The following ARHGAP18 variants were observed in gnomAD, a reference collection of about 807,000 sequenced individuals.
ARHGAP18 encodes the protein Rho GTPase activating protein 18.
A neutral mutation model predicts 86.2 loss-of-function variants in ARHGAP18; 67 were observed. The ratio of observed to expected loss-of-function variants is 0.78; its 90% CI spans 0.64 to 0.95. The LOEUF (loss-of-function observed/expected upper bound fraction) is 0.95. Among genes scored for constraint, ARHGAP18 ranks in the 40% least tolerant of loss-of-function variants. ARHGAP18 has a pLI of 0.00. For missense variants in ARHGAP18, 691 were observed against 780.4 expected (o/e 0.89, Z 1.37); for synonymous variants, 283 against 280.4 (o/e 1.01, Z -0.09).
At chr6:129,685,207 T>A (rs1774404154) in intron 1 of ARHGAP18, among the ~76,000 whole-genome samples, 1 of 152,066 alleles carries the variant, frequency 6.6e-6, no homozygotes, top group Non-Finnish European at 1.5e-5. Flanking sequence ...CCTACTCTCA[T>A]AGAATCATGA....
chr6:129,653,338 A>G (rs1773755974), intron 1 of ARHGAP18, among the ~76,000 whole-genome samples: 1 of 152,264 alleles, frequency 6.6e-6, no homozygotes, highest in Non-Finnish European at 1.5e-5. Flanking sequence ...TCCGTGGTAA[A>G]TACCTAGATA....
At chr6:129,629,200 G>T (rs1287858922) in intron 5 of ARHGAP18, among the ~76,000 whole-genome samples, 153 bp downstream of exon 5, 1 of 151,730 alleles carries the variant, frequency 6.6e-6, no homozygotes, top group Admixed American at 6.6e-5. Flanking sequence ...CCTGGGCAAC[G>T]TAGTGAGGCC....
chr6:129,624,913 C>A (rs1031004842), intron 5 of ARHGAP18, among the ~76,000 whole-genome samples: 2 of 143,822 alleles, frequency 1.4e-5, no homozygotes, highest in Non-Finnish European at 3.0e-5. Flanking sequence ...CCATTGCACT[C>A]CAGCCTGGGT....
At chr6:129,594,679 A>T (rs1211732055) in intron 12 of ARHGAP18, among the ~76,000 whole-genome samples, 5 of 152,096 alleles carry the variant, frequency 3.3e-5, no homozygotes, top group Non-Finnish European at 7.4e-5. Flanking sequence ...TTGATGCTAA[A>T]GTCACCCAAG....
At chr6:129,592,052 AC>A (rs1788526785) in intron 12 of ARHGAP18, among the ~76,000 whole-genome samples, 2 of 152,218 alleles carry the variant, frequency 1.3e-5, no homozygotes, top group Admixed American at 6.5e-5. Context: ...GCTTAAAATA[AC>A]TTCCATAGTT....
At chr6:129,600,470 T>C (rs1788714822) in intron 11 of ARHGAP18, among the ~76,000 whole-genome samples, 172 bp downstream of exon 11, 1 of 152,160 alleles carries the variant, frequency 6.6e-6, no homozygotes. Flanking sequence ...ACAAGGCATG[T>C]TTTGACATAA....
intron 1 of ARHGAP18, among the ~76,000 whole-genome samples, chr6:129,645,986 A>C (rs1231047069): frequency 6.6e-6 from 1 of 152,234 alleles, no homozygotes; most frequent in African/African-American, 2.4e-5. Flanking sequence ...GATATCATTC[A>C]GGGTATGAGT....
chr6:129,607,118 C>G (rs1788870231), intron 9 of ARHGAP18, among the ~76,000 whole-genome samples: 1 of 152,092 alleles, frequency 6.6e-6, no homozygotes, highest in Non-Finnish European at 1.5e-5. Flanking sequence ...CCTCAGCCTC[C>G]CAAAGTGCTG....
chr6:129,636,772 G>A (rs1208025210), intron 3 of ARHGAP18, among the ~76,000 whole-genome samples: 16 of 152,186 alleles, frequency 1.1e-4, no homozygotes, highest in African/African-American at 3.6e-4. Context: ...CAGCTACTCC[G>A]AGGCTGAGGC....
intron 5 of ARHGAP18, among the ~76,000 whole-genome samples, chr6:129,626,133 T>G (rs1789466239): frequency 4.8e-5 from 6 of 125,570 alleles, no homozygotes; most frequent in Admixed American, 3.6e-4. Flanking sequence ...CTGGAAACAA[T>G]TCAGATGTCC....
At chr6:129,596,398 C>T (rs1326479575) in intron 12 of ARHGAP18, among the ~76,000 whole-genome samples, 1 of 152,158 alleles carries the variant, frequency 6.6e-6, no homozygotes, top group African/African-American at 2.4e-5. Flanking sequence ...CTTGTCTTTG[C>T]TTAAATGAAT....
At chr6:129,666,904 T>C (rs897199204) in intron 1 of ARHGAP18, among the ~76,000 whole-genome samples, 4 of 152,214 alleles carry the variant, frequency 2.6e-5, no homozygotes, top group Non-Finnish European at 5.9e-5. Flanking sequence ...TATTCTTTGT[T>C]GATGCTTAAT....
chr6:129,687,911 T>C (rs1420444344), intron 1 of ARHGAP18, among the ~76,000 whole-genome samples: 3 of 152,164 alleles, frequency 2.0e-5, no homozygotes, highest in African/African-American at 4.8e-5. Flanking sequence ...TAAGGGTAGA[T>C]CTGAGATACA....
intron 5 of ARHGAP18, among the ~76,000 whole-genome samples, chr6:129,625,853 T>A (rs1389516379): frequency 2.6e-5 from 1 of 39,116 alleles, no homozygotes; most frequent in Non-Finnish European, 4.4e-5. Flanking sequence ...TATTATATAT[T>A]ATATTTATAT....
At chr6:129,588,103 A>G (rs577586736) in intron 12 of ARHGAP18, among the ~76,000 whole-genome samples, 1 of 149,846 alleles carries the variant, frequency 6.7e-6, no homozygotes, top group East Asian at 2.0e-4. Context: ...CCGAAATCCA[A>G]CAGGGAAGTC....
intron 8 of ARHGAP18, 64 bp downstream of exon 8, chr6:129,611,468 GC>G (rs1330415296): frequency 7.1e-7 from 1 of 1,409,466 alleles, no homozygotes; most frequent in Admixed American, 1.7e-5. Context: ...GGACAAGTTA[GC>G]TTTTAAAATG....
At chr6:129,590,320 G>A (rs912101748) in intron 12 of ARHGAP18, among the ~76,000 whole-genome samples, 2 of 152,140 alleles carry the variant, frequency 1.3e-5, no homozygotes, top group Non-Finnish European at 2.9e-5. Flanking sequence ...GTTCAGGGTG[G>A]TAAAAGGACT....
At chr6:129,626,105 C>CACATAT (rs1425322925) in intron 5 of ARHGAP18, among the ~76,000 whole-genome samples, 1,788 of 124,778 alleles carry the variant, frequency 0.014, 20 homozygotes, top group Middle Eastern at 0.028. Flanking sequence ...CACACACACA[C>CACATAT]ATATATAGAA....
At chr6:129,634,004 C>CA (rs776332930) in intron 4 of ARHGAP18, 38 bp downstream of exon 4, 194 of 1,455,108 alleles carry the variant, frequency 1.3e-4, no homozygotes, top group South Asian at 6.8e-4. Context: ...AATTAAAGGG[C>CA]GGAAAAAAAA....
Sources: gnomAD v4.1 joint callset for allele counts (sites outside exome capture counted in the v4.1 genomes callset) on GRCh38, gnomAD v4.1.1 for gene constraint, MANE v1.5 for transcripts, NCBI Gene and HGNC (gene_info 2026-07-23, HGNC 2026-07-21) for gene names.